The following CEP120 variants were observed in gnomAD, a reference collection of about 807,000 sequenced individuals.
The protein encoded by CEP120 is centrosomal protein 120, also known as centrosomal protein of 120 kDa.
CEP120 carries 113 observed loss-of-function variants against 126.5 expected under a neutral mutation model. That is an observed-to-expected ratio of 0.89 (90% confidence interval 0.77 to 1.04). The LOEUF is 1.04. CEP120 is among the 50% of genes least tolerant of loss of function. The pLI, the probability that CEP120 is intolerant of heterozygous loss-of-function variation, is 0.00. For missense variants in CEP120, 1,230 were observed against 1,155.7 expected (o/e 1.06, Z -0.93); for synonymous variants, 400 against 394.3 (o/e 1.01, Z -0.17).
At chr5:123,362,231 CTT>C (rs1770134105) in intron 18 of CEP120, among the ~76,000 whole-genome samples, 1 of 151,740 alleles carries the variant, frequency 6.6e-6, no homozygotes. Context: ...CCTGGTCTCT[CTT>C]GTCAATGATG....
At chr5:123,416,198 A>G (rs1562098203) in intron 2 of CEP120, 74 bp from the exon 3 acceptor site, 1 of 800,112 alleles carries the variant, frequency 1.2e-6, no homozygotes, top group Non-Finnish European at 2.1e-6. Flanking sequence ...AATATTTCCT[A>G]TTATCAAGAT....
At chr5:123,383,160 T>A in intron 11 of CEP120, 78 bp from the exon 12 acceptor site, 1 of 853,310 alleles carries the variant, frequency 1.2e-6, no homozygotes, top group Non-Finnish European at 1.8e-6. Flanking sequence ...CCCAGTGCTT[T>A]AGCAATGGGA....
At chr5:123,356,153 C>T (rs1371838488) in intron 18 of CEP120, among the ~76,000 whole-genome samples, 1 of 152,000 alleles carries the variant, frequency 6.6e-6, no homozygotes, top group Non-Finnish European at 1.5e-5. Flanking sequence ...GTTTTGGTAC[C>T]AGTAGTACCA....
chr5:123,418,455 T>A lies in CEP120; in HGVS notation c.110A>T (p.Glu37Val). 6.2e-7 allele frequency: 1 copy of A among 1,612,146 alleles called. No homozygotes were observed. The highest frequency in any genetic ancestry group is 8.5e-7 in the Non-Finnish European group (1 of 1,178,576). The change falls in exon 2 of 20, where the codon GAA becomes GTA. Residue 37 changes from glutamate (E) to valine (V), a missense_variant. Glu to Val is a moderately radical substitution (Grantham distance 121, BLOSUM62 -2). Coordinates refer to ENST00000306467, the MANE Select transcript of CEP120 (RefSeq NM_001375405.1). Reference sequence around the variant, plus strand: ...GTCCACAGGATCAGTAGCCAACTGTTCTCCATCAAACTTTGCTTCCACTAC... The same window carrying A: ...GTCCACAGGATCAGTAGCCAACTGTACTCCATCAAACTTTGCTTCCACTAC... Reference protein sequence around the residue: ...MLVVEAKFDGEQLATDPVDHT... With the variant: ...MLVVEAKFDGVQLATDPVDHT...
rs529999470 is a variant in CEP120, at chr5:123,402,502, C to A, written c.464-3218G>T. On this transcript the variant is annotated intron_variant, in intron 4 of 19. Transcript: ENST00000306467. ...CTCGGCTTACTGCAACCTCTGCCCC[C>A]CCGGATTCAAGCAATTCTGCTGCCT... Among the ~76,000 whole-genome samples the A allele has an allele frequency of 1.4e-4, 21 of 152,182 alleles. No homozygotes were observed. In the South Asian group the frequency reaches 4.0e-3, roughly 29 times the overall value.
intron 3 of CEP120, among the ~76,000 whole-genome samples, chr5:123,413,397 C>A (rs756017958): frequency 2.6e-5 from 4 of 151,944 alleles, no homozygotes; most frequent in Non-Finnish European, 5.9e-5. Flanking sequence ...GGATTATGAA[C>A]CAGGTACTTG....
chr5:123,351,364 T>C (rs1375041837), intron 18 of CEP120, among the ~76,000 whole-genome samples: 1 of 152,222 alleles, frequency 6.6e-6, no homozygotes, highest in Non-Finnish European at 1.5e-5. Flanking sequence ...ATTTACATTA[T>C]TATACAGCAT....
chr5:123,398,099 G>T (rs546500853), intron 5 of CEP120, among the ~76,000 whole-genome samples: 1 of 152,188 alleles, frequency 6.6e-6, no homozygotes, highest in South Asian at 2.1e-4. Context: ...GAAAAAGTGG[G>T]GAGGGGAATA....
intron 4 of CEP120, among the ~76,000 whole-genome samples, chr5:123,400,493 G>C (rs187003976): frequency 5.3e-5 from 8 of 152,068 alleles, no homozygotes; most frequent in African/African-American, 1.9e-4. Context: ...GGGTGAAGAT[G>C]AAAACTAGAA....
chr5:123,346,555 G>C lies in CEP120; in HGVS notation c.2925C>G (p.Ile975Met), dbSNP rs147730520. The C allele has an allele frequency of 6.2e-7, 1 of 1,612,968 alleles. No individual in the cohort carries two copies. The highest frequency in any genetic ancestry group is 8.5e-7 in the Non-Finnish European group (1 of 1,179,682). ...DRIISELDRQ[I>M]REILAKSNAS... ...CATTGCTTTTTGCCAAAATCTCTCT[G>C]ATCTGTCGGTCGAGTTCACTTATTA... Residue 975 changes from isoleucine (I) to methionine (M), a missense_variant, in exon 20 of 20, where the codon ATC (isoleucine) becomes ATG (methionine). Coordinates refer to ENST00000306467, the MANE Select transcript of CEP120 (RefSeq NM_001375405.1).
chr5:123,415,890 T>C (rs1774348580), intron 3 of CEP120, 120 bp downstream of exon 3: 1 of 586,908 alleles, frequency 1.7e-6, no homozygotes. Context: ...AACTGCCATA[T>C]TGGCTCAAGT....
At chr5:123,350,164 T>A in intron 18 of CEP120, 75 bp from the exon 19 acceptor site, 1 of 1,347,904 alleles carries the variant, frequency 7.4e-7, no homozygotes, top group Non-Finnish European at 1.0e-6. Context: ...GACTTGTGAT[T>A]ATAATCCTAT....
chr5:123,403,111 G>GTGTGTA, intron 4 of CEP120: 2 of 346,410 alleles, frequency 5.8e-6, no homozygotes, highest in South Asian at 4.4e-5. Context: ...ATATACAAAT[G>GTGTGTA]TGTGTATGTA....
chr5:123,418,986 T>C (rs765764328), intron 1 of CEP120, among the ~76,000 whole-genome samples: 2 of 152,178 alleles, frequency 1.3e-5, no homozygotes, highest in Non-Finnish European at 1.5e-5. Context: ...ACTTCCATAA[T>C]TCATAAGAAA....
At chr5:123,422,675 A>G in intron 1 of CEP120, 1 of 845,028 alleles carries the variant, frequency 1.2e-6, no homozygotes, top group Non-Finnish European at 1.9e-6. Flanking sequence ...AAAGCCATCG[A>G]CGTGCTGCTT....
chr5:123,366,005 TCACACTAACTTAAAA>T (rs67778721), intron 17 of CEP120, among the ~76,000 whole-genome samples: 107,898 of 150,864 alleles, frequency 0.72, 38,758 homozygotes, highest in African/African-American at 0.75. Flanking sequence ...ATTTGCATAG[TCACACTAACTTAAAA>T]CACACTAACT....
chr5:123,372,878 A>G, intron 16 of CEP120, 106 bp from the exon 17 acceptor site: 2 of 875,276 alleles, frequency 2.3e-6, no homozygotes, highest in Non-Finnish European at 3.4e-6. Context: ...GCATGCTCAT[A>G]GTAGAAAATC....
At chr5:123,418,236 C>G (rs1246244431) in intron 2 of CEP120, 123 bp downstream of exon 2, 1 of 810,346 alleles carries the variant, frequency 1.2e-6, no homozygotes, top group Non-Finnish European at 1.8e-6. Context: ...TTTGATTATG[C>G]AGATATTCCA....
At chr5:123,388,730 T>A in intron 8 of CEP120, 124 bp from the exon 9 acceptor site, 1 of 656,972 alleles carries the variant, frequency 1.5e-6, no homozygotes, top group Non-Finnish European at 2.3e-6. Context: ...TTTTGTCTCA[T>A]GAACATATGA....
Sources: gnomAD v4.1 joint callset for allele counts (sites outside exome capture counted in the v4.1 genomes callset) on GRCh38, gnomAD v4.1.1 for gene constraint, MANE v1.5 for transcripts, NCBI Gene and HGNC (gene_info 2026-07-23, HGNC 2026-07-21) for gene names.